The following MAP7 variants were observed in gnomAD, a reference collection of about 807,000 sequenced individuals.
MAP7 encodes the protein ensconsin.
In MAP7, 52 loss-of-function variants were observed where a neutral mutation model predicts 94.8. The observed-to-expected ratio is 0.55, with a 90% CI of 0.44 to 0.69. The LOEUF is 0.69. Among genes scored for constraint, MAP7 ranks in the 30% least tolerant of loss-of-function variants. The pLI, the probability that MAP7 is intolerant of heterozygous loss-of-function variation, is 0.00. For synonymous variants in MAP7, 350 were observed against 357.0 expected (o/e 0.98, Z 0.22); for missense variants, 940 against 964.6 (o/e 0.97, Z 0.34).
chr6:136,396,091 G>A (rs1476474620), intron 3 of MAP7, among the ~76,000 whole-genome samples: 1 of 151,502 alleles, frequency 6.6e-6, no homozygotes, highest in Non-Finnish European at 1.5e-5. Context: ...TTCTGTTTTT[G>A]TGAAGAATGT....
intron 1 of MAP7, among the ~76,000 whole-genome samples, chr6:136,451,111 T>C (rs554183205): frequency 2.0e-4 from 30 of 152,334 alleles, no homozygotes; most frequent in African/African-American, 6.5e-4. Flanking sequence ...GCTCTAAATC[T>C]AAACTAGAAA....
intron 1 of MAP7, among the ~76,000 whole-genome samples, chr6:136,469,467 T>C (rs1221178867): frequency 3.9e-5 from 6 of 152,050 alleles, no homozygotes; most frequent in Non-Finnish European, 8.8e-5. Flanking sequence ...CTGCAACCTC[T>C]GCCTCCTGGA....
chr6:136,360,965 G>T, intron 12 of MAP7, 40 bp downstream of exon 12: 1 of 1,552,194 alleles, frequency 6.4e-7, no homozygotes. Context: ...GCGTCTCCCT[G>T]CGGGACTGGG....
intron 16 of MAP7, among the ~76,000 whole-genome samples, chr6:136,346,685 C>T (rs1787795031): frequency 1.3e-5 from 2 of 152,032 alleles, no homozygotes; most frequent in Non-Finnish European, 2.9e-5. Context: ...CAGTTCTACA[C>T]ATTTAATGAT....
intron 16 of MAP7, among the ~76,000 whole-genome samples, chr6:136,349,562 C>T (rs1210447077): frequency 2.0e-5 from 3 of 152,034 alleles, no homozygotes; most frequent in African/African-American, 4.8e-5. Flanking sequence ...TTTGTAGAGA[C>T]GGGATCTTGC....
intron 1 of MAP7, among the ~76,000 whole-genome samples, chr6:136,529,411 G>A (rs1420793202): frequency 6.6e-5 from 10 of 151,994 alleles, no homozygotes; most frequent in African/African-American, 1.9e-4. Context: ...ATAAGCCACC[G>A]CGCCCAGCCT....
chr6:136,430,378 T>C (rs1463651055), intron 1 of MAP7, among the ~76,000 whole-genome samples: 3 of 152,212 alleles, frequency 2.0e-5, no homozygotes, highest in Non-Finnish European at 4.4e-5. Flanking sequence ...AGTACAGTTA[T>C]CTAAGTAGAA....
rs1297972389 is a variant in MAP7 at position 136,361,185 on chromosome 6, A to G, written c.1527-6T>C. On this transcript the variant is annotated splice_polypyrimidine_tract_variant and splice_region_variant and intron_variant, in intron 11 of 17. Coordinates refer to ENST00000354570, the MANE Select transcript of MAP7 (RefSeq NM_003980.6). ...CCAATTCCTCTCTCTTTTGTCTGGAAAAAGACAGAACAAAACCAAAACCAA... is the reference window on the plus strand; with the variant it reads ...CCAATTCCTCTCTCTTTTGTCTGGAGAAAGACAGAACAAAACCAAAACCAA... The G allele has an allele frequency of 1.2e-6, 2 of 1,601,694 alleles. No individual in the cohort carries two copies. Among genetic ancestry groups the G allele is most frequent in the Non-Finnish European group, 1.7e-6 (2 of 1,179,912 alleles).
At chr6:136,361,710 G>A (rs115556027) in intron 11 of MAP7, among the ~76,000 whole-genome samples, 87 of 152,248 alleles carry the variant, frequency 5.7e-4, no homozygotes, top group African/African-American at 2.0e-3. Context: ...ATTGACATTC[G>A]TCTTATTAGG....
chr6:136,401,111 G>A (rs1043262095), intron 3 of MAP7, among the ~76,000 whole-genome samples: 1 of 152,172 alleles, frequency 6.6e-6, no homozygotes, highest in East Asian at 1.9e-4. Context: ...CACTTTGGGA[G>A]GCCAAGGTGG....
chr6:136,413,206 C>T (rs978728112), intron 2 of MAP7, among the ~76,000 whole-genome samples: 2 of 151,616 alleles, frequency 1.3e-5, no homozygotes, highest in East Asian at 1.9e-4. Context: ...TAGAACCTTG[C>T]GTTAAAAATG....
rs920166776 is a variant in MAP7, at chr6:136,403,859, T to C, written c.244+7761A>G. 3.3e-5 allele frequency among the ~76,000 whole-genome samples: 5 copies of C among 152,238 alleles called. No individual in the cohort carries two copies. The East Asian group carries it at 9.6e-4, about 29-fold the overall frequency. Reference sequence around the variant, plus strand: ...CTGCTCTGTTATGTGCTAACATCCATATTCCTCTCACTAAGATGCATTTAG... The same window carrying C: ...CTGCTCTGTTATGTGCTAACATCCACATTCCTCTCACTAAGATGCATTTAG... On this transcript the variant is annotated intron_variant, in intron 3 of 17. Transcript: ENST00000354570.
Position 136,550,349 on chromosome 6 carries a change from G to A in MAP7, c.60C>T (p.Ser20=). The A allele has an allele frequency of 6.6e-7, 1 of 1,524,812 alleles. No individual in the cohort carries two copies. The highest frequency in any genetic ancestry group is 1.7e-4 in the Middle Eastern group (1 of 5,758). 94.5% of individuals were successfully genotyped at this position (1,524,812 alleles called of 1,614,324 possible). ...GHRGGDGAVR[S]ETAPDSYKVQ... ...TCCCCGCTGTGCGGTCACCTGTTTC[G>A]CTTCGCACTGCGCCGTCGCCGCCCC... The change falls in exon 1 of 18, where the codon AGC becomes AGT. Residue 20 remains serine (S), a synonymous_variant. Transcript: ENST00000354570. This position sits in a 1 kb window ranked among gnomAD's most constrained non-coding sequence, Gnocchi z 5.1.
intron 1 of MAP7, among the ~76,000 whole-genome samples, chr6:136,434,306 CAAAAA>C (rs59002856): frequency 1.7e-5 from 1 of 59,708 alleles, no homozygotes; most frequent in Admixed American, 1.7e-4. Context: ...GACTCCGTCT[CAAAAA>C]AAAAAAAAAA....
chr6:136,540,911 T>C (rs1259438380), intron 1 of MAP7, among the ~76,000 whole-genome samples: 2 of 152,216 alleles, frequency 1.3e-5, no homozygotes, highest in Non-Finnish European at 2.9e-5. Context: ...TGAGAGCCAA[T>C]GATGTGAATC....
At chr6:136,401,512 T>C (rs1784070499) in intron 3 of MAP7, among the ~76,000 whole-genome samples, 1 of 152,220 alleles carries the variant, frequency 6.6e-6, no homozygotes, top group African/African-American at 2.4e-5. Context: ...ACCATCATTC[T>C]GAGCAAACTA....
chr6:136,376,912 C>G (rs185574092), intron 7 of MAP7, among the ~76,000 whole-genome samples: 1 of 152,146 alleles, frequency 6.6e-6, no homozygotes, highest in East Asian at 1.9e-4. Flanking sequence ...GGGCAAAGCA[C>G]TTTTAAAGTG....
intron 15 of MAP7, among the ~76,000 whole-genome samples, chr6:136,358,795 T>C (rs1202627974): frequency 3.3e-5 from 5 of 152,186 alleles, no homozygotes; most frequent in Non-Finnish European, 5.9e-5. Context: ...AGCTATCTAC[T>C]AACCACCTGC....
chr6:136,497,340 G>A (rs1818552711), intron 1 of MAP7, among the ~76,000 whole-genome samples: 1 of 151,906 alleles, frequency 6.6e-6, no homozygotes, highest in African/African-American at 2.4e-5. Flanking sequence ...AGGTGTTTTT[G>A]TTAAAATTTC....
Sources: gnomAD v4.1 joint callset for allele counts (sites outside exome capture counted in the v4.1 genomes callset) on GRCh38, gnomAD v4.1.1 for gene constraint, Gnocchi (gnomAD v3.1) non-coding constraint, MANE v1.5 for transcripts, NCBI Gene and HGNC (gene_info 2026-07-23, HGNC 2026-07-21) for gene names.